Variants in SPECC1 observed in about 807,000 individuals in gnomAD.
SPECC1 encodes sperm antigen with calponin homology and coiled-coil domains 1, also known as cytospin-B.
SPECC1 carries 62 observed loss-of-function variants against 104.1 expected under a neutral mutation model. That is an observed-to-expected ratio of 0.60 (90% CI 0.49 to 0.74). The LOEUF is 0.74. Among genes scored for constraint, SPECC1 ranks in the 30% least tolerant of loss-of-function variants. SPECC1 has a pLI of 0.00. For synonymous variants in SPECC1, 513 were observed against 501.6 expected, an observed-to-expected ratio of 1.02 and a Z score of -0.30; for missense variants, 1,306 against 1,310.5, an observed-to-expected ratio of 1.00 and a Z score of 0.05.
At chr17:20,073,163 GCC>G (rs1349483221) in intron 1 of SPECC1, among the ~76,000 whole-genome samples, 1 of 152,158 alleles carries the variant, frequency 6.6e-6, no homozygotes, top group Non-Finnish European at 1.5e-5. Context: ...CTCACCAGAA[GCC>G]CCTGCTGTGA....
chr17:20,182,285 T>C (rs951849230), intron 3 of SPECC1, among the ~76,000 whole-genome samples: 3 of 151,972 alleles, frequency 2.0e-5, no homozygotes, highest in South Asian at 4.2e-4. Flanking sequence ...CGCTAAACTT[T>C]TTGTATTTTT....
intron 12 of SPECC1, among the ~76,000 whole-genome samples, chr17:20,263,183 C>T (rs1194886916): frequency 2.0e-5 from 3 of 150,160 alleles, no homozygotes; most frequent in African/African-American, 4.9e-5. Flanking sequence ...GCCACGCTGC[C>T]GAGGACACGG....
intron 2 of SPECC1, among the ~76,000 whole-genome samples, chr17:20,104,902 G>C (rs572999141): frequency 9.9e-5 from 15 of 151,986 alleles, no homozygotes; most frequent in Non-Finnish European, 2.1e-4. Flanking sequence ...GGAGGATTTA[G>C]ATTTTGTTTG....
At chr17:20,297,465 T>C (rs1174762873) in intron 13 of SPECC1, among the ~76,000 whole-genome samples, 1 of 152,254 alleles carries the variant, frequency 6.6e-6, no homozygotes, top group Non-Finnish European at 1.5e-5. Context: ...TTAAGAAATC[T>C]ATGTGACTGT....
chr17:20,094,781 G>A (rs1481711923), intron 1 of SPECC1, among the ~76,000 whole-genome samples: 1 of 151,708 alleles, frequency 6.6e-6, no homozygotes, highest in African/African-American at 2.4e-5. Flanking sequence ...TGTATTTTTT[G>A]TAGAGACAGA....
At chr17:20,237,108 CTT>C (rs1567972539) in intron 7 of SPECC1, 5 of 1,395,392 alleles carry the variant, frequency 3.6e-6, no homozygotes, top group Admixed American at 5.9e-5. Context: ...ATGTTTCCCT[CTT>C]TTTACTTTTC....
At chr17:20,112,453 A>T (rs186671660) in intron 3 of SPECC1, 1 of 766,194 alleles carries the variant, frequency 1.3e-6, no homozygotes, top group East Asian at 2.4e-5. Context: ...TTTTGCTGGC[A>T]ACTTCAATCA....
intron 1 of SPECC1, among the ~76,000 whole-genome samples, chr17:20,051,999 C>T (rs2045791753): frequency 1.3e-5 from 2 of 152,116 alleles, no homozygotes; most frequent in Admixed American, 1.3e-4. Context: ...GAATACCTGA[C>T]TCATAGTGGG....
intron 1 of SPECC1, among the ~76,000 whole-genome samples, chr17:20,051,062 C>CTT (rs1555597649): frequency 4.0e-5 from 5 of 125,622 alleles, no homozygotes; most frequent in African/African-American, 5.5e-5. Flanking sequence ...TTCTTTCTTT[C>CTT]TTTCTTTTTC....
chr17:20,254,554 C>T (rs117841436), intron 10 of SPECC1, among the ~76,000 whole-genome samples: 2,619 of 152,258 alleles, frequency 0.017, 23 homozygotes, highest in Non-Finnish European at 0.026. Flanking sequence ...ACCCAGTTCG[C>T]CTGCCCAGAA....
chr17:20,112,659 C>T, intron 3 of SPECC1: 1 of 929,850 alleles, frequency 1.1e-6, no homozygotes. Flanking sequence ...GGAGTCAAGA[C>T]ACTCTGTTCT....
intron 1 of SPECC1, among the ~76,000 whole-genome samples, chr17:20,047,960 C>T (rs1457527499): frequency 6.6e-6 from 1 of 152,110 alleles, no homozygotes. Context: ...TCTTACCCTT[C>T]TTCACGTAAT....
At chr17:20,286,874 C>A (rs908233364) in intron 12 of SPECC1, among the ~76,000 whole-genome samples, 2 of 152,206 alleles carry the variant, frequency 1.3e-5, no homozygotes, top group Middle Eastern at 3.2e-3. Flanking sequence ...ATGATCCCAT[C>A]GCTGCTGCCT....
chr17:20,217,521 C>T (rs534429623), intron 4 of SPECC1, among the ~76,000 whole-genome samples: 4 of 152,214 alleles, frequency 2.6e-5, no homozygotes, highest in African/African-American at 7.2e-5. Flanking sequence ...CTCGTTACAT[C>T]CTCAGTTTAA....
chr17:20,143,192 C>A (rs2031041829), intron 3 of SPECC1, among the ~76,000 whole-genome samples: 1 of 149,800 alleles, frequency 6.7e-6, no homozygotes, highest in South Asian at 2.1e-4. Context: ...AAAAAAAAGC[C>A]TGGGCAACGT....
intron 3 of SPECC1, among the ~76,000 whole-genome samples, chr17:20,191,655 C>G (rs184309166): frequency 2.0e-4 from 31 of 152,182 alleles, no homozygotes; most frequent in Middle Eastern, 3.4e-3. Flanking sequence ...CTAGCCCCCC[C>G]ACCCACTGAC....
Position 20,220,033 on chromosome 17 carries a change from A to G in SPECC1, c.1864-7380A>G, listed in dbSNP as rs558778088. Among the ~76,000 whole-genome samples the G allele has an allele frequency of 5.3e-5, 8 of 152,072 alleles. No individual in the cohort carries two copies. In the East Asian group the frequency reaches 7.7e-4, roughly 15 times the overall value. On this transcript the variant is annotated intron_variant, in intron 4 of 14. Transcript: ENST00000395527. ...ATTCTCTATTCTATTTCATTATTCTATGTGTCTGTTTTTATGCCAGTACCA... is the reference window on the plus strand; with the variant it reads ...ATTCTCTATTCTATTTCATTATTCTGTGTGTCTGTTTTTATGCCAGTACCA...
Position 20,204,316 on chromosome 17 carries a change from C to T in SPECC1, c.284-17C>T, listed in dbSNP as rs1321901009. Reference sequence around the variant, plus strand: ...GCTTGCTTTATTTTTTCATTTTTTTCTTCTTCTGTCTTTAAGGGGCCTTTA... The same window carrying T: ...GCTTGCTTTATTTTTTCATTTTTTTTTTCTTCTGTCTTTAAGGGGCCTTTA... On this transcript the variant is annotated splice_polypyrimidine_tract_variant and intron_variant, in intron 3 of 14. Transcript: ENST00000395527. The T allele has an allele frequency of 2.2e-5, 35 of 1,573,772 alleles. No individual in the cohort carries two copies. The highest frequency in any genetic ancestry group is 2.2e-4 in the Admixed American group (11 of 49,776).
intron 3 of SPECC1, among the ~76,000 whole-genome samples, chr17:20,188,637 T>C (rs913043396): frequency 6.6e-6 from 1 of 152,218 alleles, no homozygotes; most frequent in Non-Finnish European, 1.5e-5. Flanking sequence ...TCTCAGACTT[T>C]GTTTCTTTAT....
Sources: allele counts gnomAD v4.1 joint callset (sites outside exome capture counted in the v4.1 genomes callset), GRCh38; gene constraint gnomAD v4.1.1; transcripts MANE v1.5; gene names NCBI Gene and HGNC (gene_info 2026-07-23, HGNC 2026-07-21).